The following SPAG16 variants were observed in gnomAD, a reference collection of about 807,000 sequenced individuals.
SPAG16 encodes sperm associated antigen 16, also known as sperm-associated antigen 16 protein.
In SPAG16, 86 loss-of-function variants were observed where a neutral mutation model predicts 80.4. The ratio of observed to expected loss-of-function variants is 1.07; its 90% CI spans 0.90 to 1.28. The LOEUF is 1.28. Ranked by LOEUF, SPAG16 falls within the 50% of genes most tolerant of loss-of-function variation. The pLI, the probability that SPAG16 is intolerant of heterozygous loss-of-function variation, is 0.00. For missense variants in SPAG16, 870 were observed against 765.3 expected (o/e 1.14, Z -1.61); for synonymous variants, 294 against 265.9 (o/e 1.11, Z -1.03).
chr2:214,233,343 T>TG (rs202018813), intron 15 of SPAG16, among the ~76,000 whole-genome samples: 30,807 of 143,044 alleles, frequency 0.22, 3,399 homozygotes, highest in East Asian at 0.36. Flanking sequence ...AAATAGATAA[T>TG]AATGATGATG....
At chr2:214,193,625 C>T (rs924137378) in intron 15 of SPAG16, among the ~76,000 whole-genome samples, 5 of 151,942 alleles carry the variant, frequency 3.3e-5, no homozygotes, top group African/African-American at 1.2e-4. Context: ...CAACGTCTGT[C>T]ATGGGTAGCT....
At chr2:213,324,441 C>T (rs2063759033) in intron 5 of SPAG16, among the ~76,000 whole-genome samples, 1 of 152,094 alleles carries the variant, frequency 6.6e-6, no homozygotes, top group Non-Finnish European at 1.5e-5. Context: ...TTCTCTGTCC[C>T]AGCAATCACT....
At chr2:214,065,667 T>C (rs1316063781) in intron 13 of SPAG16, among the ~76,000 whole-genome samples, 1 of 152,202 alleles carries the variant, frequency 6.6e-6, no homozygotes. Context: ...ATAGTTTATG[T>C]GAGTTTGTAT....
chr2:213,777,701 T>C (rs1575110291), intron 10 of SPAG16, among the ~76,000 whole-genome samples: 1 of 152,074 alleles, frequency 6.6e-6, no homozygotes, highest in African/African-American at 2.4e-5. Context: ...GCCGCCCAAC[T>C]AATTTTTGTA....
intron 11 of SPAG16, among the ~76,000 whole-genome samples, chr2:213,872,515 G>A (rs1166358725): frequency 1.3e-5 from 2 of 151,922 alleles, no homozygotes; most frequent in Non-Finnish European, 2.9e-5. Context: ...CTATATACAA[G>A]ATCATATCAT....
At chr2:213,813,647 C>G (rs2072323345) in intron 10 of SPAG16, among the ~76,000 whole-genome samples, 1 of 152,116 alleles carries the variant, frequency 6.6e-6, no homozygotes, top group African/African-American at 2.4e-5. Context: ...AAGAAACATG[C>G]CCAGTTCAGA....
intron 15 of SPAG16, among the ~76,000 whole-genome samples, chr2:214,318,021 A>T (rs1339706182): frequency 4.6e-5 from 7 of 152,228 alleles, no homozygotes; most frequent in Non-Finnish European, 8.8e-5. Flanking sequence ...TGATTGATTC[A>T]TATAATTGTG....
intron 1 of SPAG16, among the ~76,000 whole-genome samples, chr2:213,292,580 C>T (rs1358934737): frequency 1.4e-5 from 2 of 147,566 alleles, no homozygotes; most frequent in Admixed American, 6.7e-5. Context: ...AGGAGAATGG[C>T]GTGAACCCGG....
intron 6 of SPAG16, among the ~76,000 whole-genome samples, chr2:213,349,872 T>G (rs1236690368): frequency 2.0e-5 from 3 of 152,220 alleles, no homozygotes; most frequent in African/African-American, 7.2e-5. Flanking sequence ...ATGCTTCATA[T>G]TTTGATAATG....
chr2:213,859,240 T>G (rs528012553), intron 10 of SPAG16, among the ~76,000 whole-genome samples: 10 of 130,516 alleles, frequency 7.7e-5, no homozygotes, highest in African/African-American at 2.8e-4. Context: ...GACAACTTGA[T>G]GTATAATACC....
chr2:214,409,025 T>G (rs1269119388), intron 15 of SPAG16, among the ~76,000 whole-genome samples: 1 of 151,414 alleles, frequency 6.6e-6, no homozygotes, highest in Non-Finnish European at 1.5e-5. Context: ...AAATAGTTAA[T>G]ACTGTTAGTA....
intron 10 of SPAG16, among the ~76,000 whole-genome samples, chr2:213,593,856 G>A (rs1165709168): frequency 1.6e-5 from 2 of 125,572 alleles, no homozygotes; most frequent in East Asian, 2.6e-4. Flanking sequence ...CTCACTGCAA[G>A]CTCCGCCTCC....
chr2:213,899,072 G>A (rs949342670), intron 11 of SPAG16, among the ~76,000 whole-genome samples: 1 of 152,028 alleles, frequency 6.6e-6, no homozygotes, highest in African/African-American at 2.4e-5. Context: ...TGAAGGGATA[G>A]GATACCAGAT....
chr2:213,375,451 T>C (rs1473338673), intron 9 of SPAG16, among the ~76,000 whole-genome samples: 1 of 152,062 alleles, frequency 6.6e-6, no homozygotes, highest in East Asian at 1.9e-4. Flanking sequence ...TATCTTGTTA[T>C]ATCTTTTCTC....
chr2:213,662,557 A>G (rs2063465442), intron 10 of SPAG16, among the ~76,000 whole-genome samples: 1 of 152,156 alleles, frequency 6.6e-6, no homozygotes, highest in Admixed American at 6.6e-5. Flanking sequence ...TGCAGTATCT[A>G]ATAGGAATAT....
intron 9 of SPAG16, among the ~76,000 whole-genome samples, chr2:213,408,849 A>C (rs1213560174): frequency 6.6e-6 from 1 of 152,224 alleles, no homozygotes; most frequent in Non-Finnish European, 1.5e-5. Context: ...ATTTGGACTA[A>C]ACAAGGTCTT....
At chr2:213,725,801 C>T (rs1203373567) in intron 10 of SPAG16, among the ~76,000 whole-genome samples, 4 of 152,122 alleles carry the variant, frequency 2.6e-5, no homozygotes, top group Admixed American at 2.0e-4. Context: ...TAGTGTTTTC[C>T]AACAGCAACC....
intron 14 of SPAG16, among the ~76,000 whole-genome samples, chr2:214,123,853 G>A (rs527651232): frequency 9.5e-4 from 145 of 151,926 alleles, no homozygotes; most frequent in Admixed American, 2.4e-3. Flanking sequence ...TAGCAAAATC[G>A]GGACACATAG....
At chr2:214,263,724 C>A (rs1324108391) in intron 15 of SPAG16, among the ~76,000 whole-genome samples, 2 of 152,110 alleles carry the variant, frequency 1.3e-5, no homozygotes, top group African/African-American at 2.4e-5. Context: ...AGCTAAATTC[C>A]CTCAGGATGA....
Sources: gnomAD v4.1 joint callset for allele counts (sites outside exome capture counted in the v4.1 genomes callset) on GRCh38, gnomAD v4.1.1 for gene constraint, MANE v1.5 for transcripts, NCBI Gene and HGNC (gene_info 2026-07-23, HGNC 2026-07-21) for gene names.